The following CENPO variants were observed in gnomAD, a reference collection of about 807,000 sequenced individuals.
The protein encoded by CENPO is centromeric protein O.
A neutral mutation model predicts 36.1 loss-of-function variants in CENPO; 30 were observed. The observed-to-expected ratio is 0.83, with a 90% CI of 0.62 to 1.13. The LOEUF (loss-of-function observed/expected upper bound fraction) is 1.13, where lower values mean the gene tolerates loss of function less well. CENPO is among the 50% of genes most tolerant of loss of function. CENPO has a pLI of 0.00. For synonymous variants in CENPO, 171 were observed against 142.3 expected (o/e 1.20, Z -1.44); for missense variants, 349 against 357.8 (o/e 0.98, Z 0.20).
chr2:24,813,256 A>G (rs1666783089), intron 3 of CENPO, among the ~76,000 whole-genome samples: 1 of 152,132 alleles, frequency 6.6e-6, no homozygotes, highest in South Asian at 2.1e-4. Flanking sequence ...AAAAAGAAAG[A>G]AAGAAGGAAA....
intron 2 of CENPO, among the ~76,000 whole-genome samples, chr2:24,796,017 A>G (rs934555772): frequency 6.6e-6 from 1 of 152,190 alleles, no homozygotes; most frequent in African/African-American, 2.4e-5. Flanking sequence ...AGTGAATGTA[A>G]TCTCCAAGAG....
In CENPO at chr2:24,798,975, C is replaced by CTT. The variant is rs70947846; in HGVS notation, c.47-674_47-673dup. Reference sequence around the variant, plus strand: ...TCGATTAAATAAAGTCTGGGGCTTCCTTTTTTTTTTTTTTTTTTTTTTTTT... The same window carrying CTT: ...TCGATTAAATAAAGTCTGGGGCTTCCTTTTTTTTTTTTTTTTTTTTTTTTTTT... On this transcript the variant is annotated intron_variant, in intron 2 of 7. Coordinates refer to ENST00000380834, the MANE Select transcript of CENPO (RefSeq NM_001322101.2). Among the ~76,000 whole-genome samples the CTT allele has an allele frequency of 1.5e-3, 174 of 114,526 alleles. 13 individuals carry two copies. Among genetic ancestry groups the CTT allele is most frequent in the Middle Eastern group, 4.5e-3 (1 of 222 alleles). The allele number at this position is 114,526 out of a possible 152,430, so 75.1% of individuals were successfully genotyped here. A position where few individuals can be genotyped will look rare whatever the true frequency, so the allele number is the denominator to read the frequency against.
Position 24,821,712 on chromosome 2 carries a change from G to C in CENPO, c.*2394G>C. The C allele has an allele frequency of 6.3e-7, 1 of 1,575,942 alleles. No individual in the cohort carries two copies. The highest frequency in any genetic ancestry group is 8.6e-7 in the Non-Finnish European group (1 of 1,159,632). ...GCAGCCTGCTCTGCTGCCTTCCCTG[G>C]CAGTGTTCTGGGGGTGGATTCCCTA... On this transcript the variant is annotated 3_prime_UTR_variant, in exon 8 of 8. Transcript: ENST00000380834.
chr2:24,821,511 G>C lies in CENPO; in HGVS notation c.*2193G>C, dbSNP rs767690675. The C allele has an allele frequency of 7.4e-6, 12 of 1,613,610 alleles. No individual in the cohort carries two copies. Among genetic ancestry groups the C allele is most frequent in the African/African-American group, 1.3e-5 (1 of 74,916 alleles). On this transcript the variant is annotated 3_prime_UTR_variant, in exon 8 of 8. Transcript: ENST00000380834. ...GCTGCGGGGCAGGCCAGCTGGGGGT[G>C]CTCACCTATGCGCAGCATGAAGTTA...
chr2:24,796,855 G>T (rs1020461245), intron 2 of CENPO, among the ~76,000 whole-genome samples: 1 of 152,044 alleles, frequency 6.6e-6, no homozygotes, highest in Non-Finnish European at 1.5e-5. Flanking sequence ...GTGTGTGTTG[G>T]GGGTGGGGGG....
chr2:24,819,330 T>G (rs1667172105), intron 7 of CENPO, 24 bp from the exon 8 acceptor site: 1 of 151,504 alleles, frequency 6.6e-6, no homozygotes, highest in Non-Finnish European at 1.5e-5. Context: ...ATGTAGAAGA[T>G]CTGTTTATAT....
At chr2:24,812,054 A>G (rs1348276518) in intron 3 of CENPO, among the ~76,000 whole-genome samples, 1 of 152,064 alleles carries the variant, frequency 6.6e-6, no homozygotes, top group East Asian at 1.9e-4. Context: ...ATCTGCGATT[A>G]TTTTCTTTCA....
intron 3 of CENPO, among the ~76,000 whole-genome samples, chr2:24,803,952 G>A (rs1305665242): frequency 6.6e-6 from 1 of 151,982 alleles, no homozygotes; most frequent in Non-Finnish European, 1.5e-5. Context: ...CATTATTACT[G>A]TGTGGGAGTC....
At chr2:24,813,755 T>G (rs1666813320) in intron 3 of CENPO, among the ~76,000 whole-genome samples, 1 of 152,174 alleles carries the variant, frequency 6.6e-6, no homozygotes, top group Non-Finnish European at 1.5e-5. Context: ...TGGCCCAGTG[T>G]GCCTTGCATA....
intron 4 of CENPO, among the ~76,000 whole-genome samples, 196 bp from the exon 5 acceptor site, chr2:24,815,300 AT>A (rs1236554441): frequency 6.6e-6 from 1 of 152,032 alleles, no homozygotes; most frequent in Non-Finnish European, 1.5e-5. Flanking sequence ...CATTTTTACC[AT>A]TCTTCCATGG....
At chr2:24,819,031 G>A (rs1478181618) in intron 7 of CENPO, 3 of 152,584 alleles carry the variant, frequency 2.0e-5, no homozygotes, top group African/African-American at 7.2e-5. Context: ...CCAGGCAGCA[G>A]GCGTTCCGGG....
Position 24,799,723 on chromosome 2 carries a change from G to A in CENPO, c.95G>A (p.Arg32His), listed in dbSNP as rs574000727. ...CTAGAGACCCAAGTGAGCAGATCCCGTAAACAGTCTGAAGAGCTGCAGAGC... is the reference window on the plus strand; with the variant it reads ...CTAGAGACCCAAGTGAGCAGATCCCATAAACAGTCTGAAGAGCTGCAGAGC... ...ERLETQVSRS[R>H]KQSEELQSVQ... Residue 32 changes from arginine to histidine, a missense_variant, in exon 3 of 8, where the codon CGT becomes CAT. Physicochemically the swap from Arg to His is conservative, Grantham distance 29 (BLOSUM62 0). Coordinates refer to ENST00000380834, the MANE Select transcript of CENPO (RefSeq NM_001322101.2). 6.2e-6 allele frequency: 10 copies of A among 1,613,996 alleles called. No homozygotes were observed. The East Asian group carries it at 6.7e-5, about 11-fold the overall frequency.
At chr2:24,818,281 T>TC (rs1419361936) in intron 7 of CENPO, among the ~76,000 whole-genome samples, 1 of 152,172 alleles carries the variant, frequency 6.6e-6, no homozygotes, top group African/African-American at 2.4e-5. Context: ...AGCACTCCAC[T>TC]CAAACTGCAA....
At position 24,819,837 on chromosome 2, in the gene CENPO, G is replaced by T; in HGVS notation, c.*519G>T. The T allele has an allele frequency of 7.5e-7, 1 of 1,327,226 alleles. No individual in the cohort carries two copies. The highest frequency in any genetic ancestry group is 1.0e-6 in the Non-Finnish European group (1 of 963,106). The allele number at this position is 1,327,226 out of a possible 1,614,324, so 82.2% of individuals were successfully genotyped here. A position where few individuals can be genotyped will look rare whatever the true frequency, so the allele number is the denominator to read the frequency against. On this transcript the variant is annotated 3_prime_UTR_variant, in exon 8 of 8. Transcript: ENST00000380834. ...GGAGGTTTCTAAACCTAAAGTCCATGAGTGTGCACTTCAATCCAGGAAGGT... is the reference window on the plus strand; with the variant it reads ...GGAGGTTTCTAAACCTAAAGTCCATTAGTGTGCACTTCAATCCAGGAAGGT...
At chr2:24,807,322 C>T (rs1666453364) in intron 3 of CENPO, among the ~76,000 whole-genome samples, 2 of 152,280 alleles carry the variant, frequency 1.3e-5, no homozygotes, top group South Asian at 4.1e-4. Context: ...TGATTTCTGT[C>T]ACCATACATA....
At chr2:24,813,263 G>A (rs994639010) in intron 3 of CENPO, among the ~76,000 whole-genome samples, 1 of 151,970 alleles carries the variant, frequency 6.6e-6, no homozygotes, top group Admixed American at 6.6e-5. Flanking sequence ...AAGAAAGAAG[G>A]AAAAATATAT....
At chr2:24,813,693 A>G (rs1388589474) in intron 3 of CENPO, among the ~76,000 whole-genome samples, 1 of 152,104 alleles carries the variant, frequency 6.6e-6, no homozygotes, top group Non-Finnish European at 1.5e-5. Flanking sequence ...ATTAATGTCC[A>G]GTGTTTGTTC....
Position 24,820,600 on chromosome 2 carries a change from C to A in CENPO, c.*1282C>A, listed in dbSNP as rs563029276. 3 of 1,497,646 alleles carry A rather than the reference C, an allele frequency of 2.0e-6. No homozygotes were observed. In the South Asian group the frequency reaches 4.0e-5, roughly 20 times the overall value. The allele number at this position is 1,497,646 out of a possible 1,614,324, so 92.8% of individuals were successfully genotyped here. The stretch of plus-strand genomic sequence containing the variant: ...CAGAGATTCTTTTCCACTTGCCCCA[C>A]GTCTCTGCCTCTGGACTTACTGTTC... On this transcript the variant is annotated 3_prime_UTR_variant, in exon 8 of 8. Coordinates refer to ENST00000380834, the MANE Select transcript of CENPO (RefSeq NM_001322101.2).
intron 6 of CENPO, 114 bp from the exon 7 acceptor site, chr2:24,817,556 C>A: frequency 7.3e-7 from 1 of 1,361,670 alleles, no homozygotes. Context: ...GATTGAATGT[C>A]AGTGATCCAG....
Sources: gnomAD v4.1 joint callset for allele counts (sites outside exome capture counted in the v4.1 genomes callset) on GRCh38, gnomAD v4.1.1 for gene constraint, MANE v1.5 for transcripts, NCBI Gene and HGNC (gene_info 2026-07-23, HGNC 2026-07-21) for gene names.